ZBTB7C: variants seen among roughly 807,000 people sequenced by gnomAD.
ZBTB7C encodes zinc finger and BTB domain-containing protein 7C.
In ZBTB7C, 8 loss-of-function variants were observed where a neutral mutation model predicts 25.7. That is an observed-to-expected ratio of 0.31 (90% confidence interval 0.18 to 0.56). The LOEUF is 0.56. Among genes scored for constraint, ZBTB7C ranks in the 20% least tolerant of loss-of-function variants. The pLI is 0.91. For synonymous variants in ZBTB7C, 394 were observed against 369.0 expected, an observed-to-expected ratio of 1.07 and a Z score of -0.78; for missense variants, 824 against 855.2, an observed-to-expected ratio of 0.96 and a Z score of 0.46.
At chr18:48,054,521 G>T (rs1046402133) in intron 3 of ZBTB7C, among the ~76,000 whole-genome samples, 1 of 152,140 alleles carries the variant, frequency 6.6e-6, no homozygotes, top group Non-Finnish European at 1.5e-5. Context: ...CTGCCTCCCT[G>T]CTGTTGTCTA....
intron 2 of ZBTB7C, among the ~76,000 whole-genome samples, chr18:48,241,134 T>C (rs11082667): frequency 6.6e-6 from 1 of 151,936 alleles, no homozygotes; most frequent in African/African-American, 2.4e-5. Context: ...AAAAGGACTA[T>C]TTAAACAGGA....
intron 3 of ZBTB7C, among the ~76,000 whole-genome samples, chr18:48,095,145 T>G (rs985168838): frequency 6.6e-6 from 1 of 152,160 alleles, no homozygotes; most frequent in Non-Finnish European, 1.5e-5. Flanking sequence ...ACTCCCCAAA[T>G]GACATGCATC....
chr18:48,170,487 CAAAG>C (rs2041434774), intron 3 of ZBTB7C, among the ~76,000 whole-genome samples: 1 of 152,324 alleles, frequency 6.6e-6, no homozygotes, highest in East Asian at 1.9e-4. Flanking sequence ...ATCATGAACA[CAAAG>C]AAAGTTCCCA....
At chr18:48,211,557 A>T (rs1156411359) in intron 2 of ZBTB7C, among the ~76,000 whole-genome samples, 1 of 152,228 alleles carries the variant, frequency 6.6e-6, no homozygotes, top group Non-Finnish European at 1.5e-5. Context: ...GAAGATATGC[A>T]GATGGTAATT....
At chr18:48,367,371 T>TATATATATATATATATAA (rs34753129) in intron 1 of ZBTB7C, among the ~76,000 whole-genome samples, 1 of 113,408 alleles carries the variant, frequency 8.8e-6, no homozygotes, top group East Asian at 2.3e-4. Flanking sequence ...TATATATATA[T>TATATATATATATATATAA]AAAATACAAA....
At chr18:48,240,436 C>T (rs2043493530) in intron 2 of ZBTB7C, among the ~76,000 whole-genome samples, 1 of 152,140 alleles carries the variant, frequency 6.6e-6, no homozygotes, top group African/African-American at 2.4e-5. Flanking sequence ...ATCTTAATAG[C>T]TGTGAGGCAA....
intron 1 of ZBTB7C, among the ~76,000 whole-genome samples, chr18:48,403,007 C>T (rs2048196170): frequency 6.6e-6 from 1 of 152,210 alleles, no homozygotes; most frequent in African/African-American, 2.4e-5. Flanking sequence ...ATTCCCTGCT[C>T]CTGCAGGGCT....
intron 3 of ZBTB7C, among the ~76,000 whole-genome samples, chr18:48,061,574 G>T (rs957860095): frequency 2.0e-5 from 3 of 152,200 alleles, no homozygotes; most frequent in African/African-American, 7.2e-5. Flanking sequence ...ATATATGTAT[G>T]GCCAGCTTTC....
chr18:48,251,994 T>C (rs930992278), intron 2 of ZBTB7C, among the ~76,000 whole-genome samples: 2 of 152,252 alleles, frequency 1.3e-5, no homozygotes, highest in Non-Finnish European at 2.9e-5. Flanking sequence ...ATCTTGGGTA[T>C]TTACCCCAGA....
chr18:48,035,061 C>A (rs1018388141), intron 4 of ZBTB7C, among the ~76,000 whole-genome samples: 1 of 152,194 alleles, frequency 6.6e-6, no homozygotes. Context: ...CCCAGAGCTG[C>A]CAGGAGTGGG....
At chr18:48,387,994 T>G (rs1231316551) in intron 1 of ZBTB7C, among the ~76,000 whole-genome samples, 1 of 152,116 alleles carries the variant, frequency 6.6e-6, no homozygotes, top group Non-Finnish European at 1.5e-5. Context: ...ACCCAGCTAA[T>G]TTTTGTAGTT....
intron 3 of ZBTB7C, chr18:48,137,386 G>A (rs962291394): frequency 1.0e-6 from 1 of 964,028 alleles, no homozygotes; most frequent in Non-Finnish European, 1.2e-6. Context: ...CTTTTCTTCC[G>A]GGTTCCTCCG....
chr18:48,248,441 T>C (rs1386481178), intron 2 of ZBTB7C, among the ~76,000 whole-genome samples: 1 of 152,172 alleles, frequency 6.6e-6, no homozygotes, highest in African/African-American at 2.4e-5. Flanking sequence ...TCTGCTTGAA[T>C]GATACCTTTT....
chr18:48,159,217 C>T (rs1040143588), intron 3 of ZBTB7C, among the ~76,000 whole-genome samples: 6 of 152,026 alleles, frequency 3.9e-5, no homozygotes, highest in African/African-American at 1.4e-4. Context: ...CATAAAATAC[C>T]TGCACATGTG....
In ZBTB7C at chr18:48,396,993, C is replaced by T. The variant is rs111926913; in HGVS notation, c.-304+12233G>A. Among the ~76,000 whole-genome samples the T allele has an allele frequency of 3.8e-3, 586 of 152,288 alleles. 1 individual carries two copies. The highest frequency in any genetic ancestry group is 6.4e-3 in the Non-Finnish European group (433 of 68,026). Reference sequence around the variant, plus strand: ...GTTACATTTTTACAACAGTGCTTTACGTGGCTCCAAAAGCAATTTCCTAAA... The same window carrying T: ...GTTACATTTTTACAACAGTGCTTTATGTGGCTCCAAAAGCAATTTCCTAAA... On this transcript the variant is annotated intron_variant, in intron 1 of 4. Transcript: ENST00000590800.
intron 3 of ZBTB7C, among the ~76,000 whole-genome samples, chr18:48,066,962 C>T (rs184916736): frequency 1.6e-3 from 247 of 152,150 alleles, no homozygotes; most frequent in Non-Finnish European, 2.6e-3. Flanking sequence ...ATTAGCCGGG[C>T]GTGGTGGTGT....
At chr18:48,283,007 T>C (rs2044918544) in intron 2 of ZBTB7C, among the ~76,000 whole-genome samples, 2 of 152,168 alleles carry the variant, frequency 1.3e-5, no homozygotes, top group African/African-American at 4.8e-5. Context: ...GTAGCTAATA[T>C]TTCAATAAGA....
At chr18:48,256,153 T>C (rs2044016112) in intron 2 of ZBTB7C, among the ~76,000 whole-genome samples, 1 of 151,914 alleles carries the variant, frequency 6.6e-6, no homozygotes, top group Non-Finnish European at 1.5e-5. Flanking sequence ...AAACCCACAG[T>C]TCCAAGAAGC....
At chr18:48,248,617 T>C (rs976019840) in intron 2 of ZBTB7C, among the ~76,000 whole-genome samples, 19 of 152,316 alleles carry the variant, frequency 1.2e-4, no homozygotes, top group African/African-American at 4.3e-4. Flanking sequence ...TTGCTTATTG[T>C]CTCTCTTCTC....
Sources: gnomAD v4.1 joint callset for allele counts (sites outside exome capture counted in the v4.1 genomes callset) on GRCh38, gnomAD v4.1.1 for gene constraint, MANE v1.5 for transcripts, NCBI Gene and HGNC (gene_info 2026-07-23, HGNC 2026-07-21) for gene names.